The following SOX6 variants were observed in gnomAD, a reference collection of about 807,000 sequenced individuals.
SOX6 encodes the protein SRY-box transcription factor 6.
A neutral mutation model predicts 97.8 loss-of-function variants in SOX6; 11 were observed. The ratio of observed to expected loss-of-function variants is 0.11; its 90% CI spans 0.07 to 0.19. SOX6 has a LOEUF of 0.19. SOX6 is among the 10% of genes least tolerant of loss of function. SOX6 has a pLI of 1.00. For synonymous variants in SOX6, 360 were observed against 371.4 expected (o/e 0.97, Z 0.35); for missense variants, 810 against 1,039.5 (o/e 0.78, Z 3.04).
intron 4 of SOX6, among the ~76,000 whole-genome samples, chr11:16,501,676 G>T (rs1860711537): frequency 6.6e-6 from 1 of 152,074 alleles, no homozygotes; most frequent in Non-Finnish European, 1.5e-5. Context: ...CTTCTCAAAA[G>T]AAGACATTTA....
At chr11:16,615,301 T>G (rs1380646698) in intron 3 of SOX6, among the ~76,000 whole-genome samples, 1 of 152,236 alleles carries the variant, frequency 6.6e-6, no homozygotes, top group African/African-American at 2.4e-5. Flanking sequence ...ATTAGACTTG[T>G]ACAATGTCCT....
chr11:16,378,655 A>G (rs978378129), intron 1 of SOX6, among the ~76,000 whole-genome samples: 1 of 152,080 alleles, frequency 6.6e-6, no homozygotes, highest in African/African-American at 2.4e-5. Context: ...GTAAAAAAAT[A>G]ACATTATAAT....
chr11:16,001,507 G>A (rs1854407457), intron 13 of SOX6, among the ~76,000 whole-genome samples: 1 of 152,116 alleles, frequency 6.6e-6, no homozygotes, highest in South Asian at 2.1e-4. Context: ...TTTCAGCCTA[G>A]TACATCACCC....
At chr11:16,241,630 A>T (rs1022890090) in intron 3 of SOX6, among the ~76,000 whole-genome samples, 1 of 151,988 alleles carries the variant, frequency 6.6e-6, no homozygotes, top group Non-Finnish European at 1.5e-5. Flanking sequence ...AGAGTGGTCA[A>T]TCATAGTTCT....
chr11:16,197,744 T>C (rs1183442418), intron 4 of SOX6, among the ~76,000 whole-genome samples: 1 of 152,112 alleles, frequency 6.6e-6, no homozygotes, highest in African/African-American at 2.4e-5. Flanking sequence ...TTCACAATAT[T>C]CAGGGCACAG....
At chr11:16,671,501 G>A (rs574142443) in intron 3 of SOX6, among the ~76,000 whole-genome samples, 4 of 152,214 alleles carry the variant, frequency 2.6e-5, no homozygotes, top group African/African-American at 4.8e-5. Context: ...TTCACAATAC[G>A]ATTATAAGTA....
chr11:16,697,213 C>A (rs1056845748), intron 3 of SOX6, among the ~76,000 whole-genome samples: 3 of 152,114 alleles, frequency 2.0e-5, no homozygotes, highest in African/African-American at 7.2e-5. Flanking sequence ...AGTCTTGAGC[C>A]CCTCAAAGTC....
chr11:15,975,088 G>C (rs1168011336), intron 15 of SOX6, among the ~76,000 whole-genome samples: 1 of 152,156 alleles, frequency 6.6e-6, no homozygotes, highest in Non-Finnish European at 1.5e-5. Flanking sequence ...TCAGCACCTA[G>C]TTGACACTAA....
intron 3 of SOX6, among the ~76,000 whole-genome samples, chr11:16,272,318 G>T (rs962295689): frequency 2.0e-5 from 3 of 151,574 alleles, no homozygotes; most frequent in African/African-American, 7.2e-5. Flanking sequence ...GGGGAAGATG[G>T]TCATCTATCC....
chr11:16,419,758 CATT>C (rs1858991737), intron 1 of SOX6, among the ~76,000 whole-genome samples: 4 of 152,062 alleles, frequency 2.6e-5, no homozygotes, highest in African/African-American at 9.7e-5. Flanking sequence ...TTTTAAACCT[CATT>C]TTCAGAGTCC....
intron 15 of SOX6, among the ~76,000 whole-genome samples, chr11:15,977,671 G>A (rs573741618): frequency 4.6e-5 from 7 of 152,076 alleles, no homozygotes; most frequent in African/African-American, 1.7e-4. Context: ...AGCTGAACTT[G>A]GCTGGAGAAA....
At chr11:16,141,586 G>A (rs749326728) in intron 6 of SOX6, among the ~76,000 whole-genome samples, 16 of 152,278 alleles carry the variant, frequency 1.1e-4, no homozygotes, top group South Asian at 2.1e-4. Context: ...CCCGAAAAGC[G>A]CAAGGGGTCA....
At chr11:16,583,189 T>G (rs751767413) in intron 4 of SOX6, among the ~76,000 whole-genome samples, 5 of 152,102 alleles carry the variant, frequency 3.3e-5, no homozygotes, top group Non-Finnish European at 5.9e-5. Context: ...TGTACATGTT[T>G]GCAAGGTACA....
intron 6 of SOX6, among the ~76,000 whole-genome samples, chr11:16,116,502 T>G (rs1849350987): frequency 1.3e-5 from 2 of 152,184 alleles, no homozygotes; most frequent in African/African-American, 4.8e-5. Context: ...AGGAATATGA[T>G]TATTGGTGAT....
At chr11:16,250,689 CAT>C (rs1219943603) in intron 3 of SOX6, among the ~76,000 whole-genome samples, 3 of 151,872 alleles carry the variant, frequency 2.0e-5, no homozygotes, top group African/African-American at 7.2e-5. Flanking sequence ...AAACCAATAA[CAT>C]AAACCAAAGC....
intron 1 of SOX6, among the ~76,000 whole-genome samples, chr11:16,345,121 T>G (rs1338209212): frequency 6.6e-6 from 1 of 152,032 alleles, no homozygotes; most frequent in Non-Finnish European, 1.5e-5. Flanking sequence ...GTGTTTTTTT[T>G]AACTGTTTAT....
At chr11:16,536,844 G>A (rs1383234172) in intron 4 of SOX6, among the ~76,000 whole-genome samples, 2 of 152,244 alleles carry the variant, frequency 1.3e-5, no homozygotes, top group African/African-American at 4.8e-5. Flanking sequence ...AAGGCCTACT[G>A]TCTCTATAGG....
intron 10 of SOX6, among the ~76,000 whole-genome samples, chr11:16,054,045 A>C (rs1254579695): frequency 1.3e-5 from 2 of 152,174 alleles, no homozygotes; most frequent in Admixed American, 6.6e-5. Context: ...AATTACCCAG[A>C]GAGATCTCTA....
intron 4 of SOX6, among the ~76,000 whole-genome samples, chr11:16,233,225 C>T (rs918423538): frequency 1.3e-5 from 2 of 151,866 alleles, no homozygotes; most frequent in Admixed American, 6.6e-5. Flanking sequence ...AACTAAGTAC[C>T]CAAATTGTTA....
Sources: allele counts gnomAD v4.1 joint callset (sites outside exome capture counted in the v4.1 genomes callset), GRCh38; gene constraint gnomAD v4.1.1; transcripts MANE v1.5; gene names NCBI Gene and HGNC (gene_info 2026-07-23, HGNC 2026-07-21).